Variants in TCEANC2 observed in about 807,000 individuals in gnomAD.
TCEANC2 encodes transcription elongation factor A N-terminal and central domain containing 2, also known as transcription elongation factor A N-terminal and central domain-containing protein 2.
In TCEANC2, 20 loss-of-function variants were observed where a neutral mutation model predicts 22.8. The ratio of observed to expected loss-of-function variants is 0.88; its 90% CI spans 0.62 to 1.28. The LOEUF is 1.28. Ranked by LOEUF, TCEANC2 falls within the 50% of genes most tolerant of loss-of-function variation. TCEANC2 has a pLI of 0.00. For synonymous variants in TCEANC2, 84 were observed against 95.5 expected, an observed-to-expected ratio of 0.88 and a Z score of 0.70; for missense variants, 251 against 249.7, an observed-to-expected ratio of 1.01 and a Z score of -0.03.
intron 3 of TCEANC2, among the ~76,000 whole-genome samples, chr1:54,079,773 A>G (rs1658204528): frequency 6.6e-6 from 1 of 152,194 alleles, no homozygotes; most frequent in African/African-American, 2.4e-5. Flanking sequence ...ACGTAGTCAC[A>G]GATTCTGAGG....
intron 3 of TCEANC2, among the ~76,000 whole-genome samples, chr1:54,071,336 G>A (rs1274279606): frequency 6.6e-6 from 1 of 152,184 alleles, no homozygotes; most frequent in African/African-American, 2.4e-5. Flanking sequence ...TCTCTTATGA[G>A]GTTGCAGTCA....
rs1391183444 is a variant in TCEANC2, at chr1:54,100,963, T to G, written c.*4490T>G. On this transcript the variant is annotated 3_prime_UTR_variant, in exon 5 of 5. Coordinates refer to ENST00000234827, the MANE Select transcript of TCEANC2 (RefSeq NM_153035.3). ...CTTGAGATTCAGTCAATTAGAGGTT[T>G]TTTTTTTTTGACAAATGAAGTTTAA... 6.6e-6 allele frequency: 1 copy of G among 152,134 alleles called. No individual in the cohort carries two copies. The highest frequency in any genetic ancestry group is 1.5e-5 in the Non-Finnish European group (1 of 68,016). The allele number at this position is 152,134 out of a possible 1,614,324, so 9.4% of individuals were successfully genotyped here. A position where few individuals can be genotyped will look rare whatever the true frequency, so the allele number is the denominator to read the frequency against.
chr1:54,093,268 G>T (rs1309091223), intron 4 of TCEANC2, among the ~76,000 whole-genome samples: 1 of 152,046 alleles, frequency 6.6e-6, no homozygotes, highest in African/African-American at 2.4e-5. Context: ...GTGAAACTCT[G>T]GTCCTTCCAC....
intron 3 of TCEANC2, among the ~76,000 whole-genome samples, chr1:54,070,327 A>G (rs953965865): frequency 6.6e-6 from 1 of 152,224 alleles, no homozygotes; most frequent in African/African-American, 2.4e-5. Flanking sequence ...TATGACATGT[A>G]TATGTGTACA....
At chr1:54,083,380 T>C (rs956086864) in intron 3 of TCEANC2, among the ~76,000 whole-genome samples, 1 of 152,040 alleles carries the variant, frequency 6.6e-6, no homozygotes, top group Admixed American at 6.6e-5. Flanking sequence ...TAATTAAAGA[T>C]TGGGCAAAGG....
chr1:54,061,402 C>T (rs988080113), intron 2 of TCEANC2, among the ~76,000 whole-genome samples: 1 of 151,824 alleles, frequency 6.6e-6, no homozygotes, highest in African/African-American at 2.4e-5. Flanking sequence ...TAGTAAAAAC[C>T]AATAGTTTCC....
chr1:54,072,137 C>T (rs1279681053), intron 3 of TCEANC2, among the ~76,000 whole-genome samples: 1 of 151,992 alleles, frequency 6.6e-6, no homozygotes. Context: ...TCAAAAGTTA[C>T]TCTCTTTCGT....
At chr1:54,093,559 C>T (rs565482155) in intron 4 of TCEANC2, among the ~76,000 whole-genome samples, 1 of 152,206 alleles carries the variant, frequency 6.6e-6, no homozygotes, top group East Asian at 1.9e-4. Context: ...TGGCATAGCA[C>T]CTGTCATGCT....
intron 2 of TCEANC2, among the ~76,000 whole-genome samples, chr1:54,063,935 A>G (rs1254335617): frequency 1.3e-5 from 2 of 152,226 alleles, no homozygotes; most frequent in African/African-American, 4.8e-5. Context: ...CTGCCAATCC[A>G]GAAGGCTAGC....
At chr1:54,085,760 G>T (rs1658328422) in intron 3 of TCEANC2, among the ~76,000 whole-genome samples, 2 of 152,080 alleles carry the variant, frequency 1.3e-5, no homozygotes, top group South Asian at 4.1e-4. Context: ...CTTAGGCAGG[G>T]TCTTGCTCTG....
At chr1:54,075,339 T>TCTTA (rs1658126967) in intron 3 of TCEANC2, among the ~76,000 whole-genome samples, 1 of 152,086 alleles carries the variant, frequency 6.6e-6, no homozygotes, top group Admixed American at 6.6e-5. Flanking sequence ...GGAGAAGGGT[T>TCTTA]TTTATAGAAG....
intron 3 of TCEANC2, among the ~76,000 whole-genome samples, chr1:54,087,716 C>G (rs1485476603): frequency 1.3e-5 from 2 of 152,152 alleles, no homozygotes; most frequent in Admixed American, 1.3e-4. Context: ...TTCTTTTAAT[C>G]TACAGCAGTC....
chr1:54,107,754 T>G (rs956002662), downstream of TCEANC2, among the ~76,000 whole-genome samples: 1 of 152,254 alleles, frequency 6.6e-6, no homozygotes, highest in African/African-American at 2.4e-5. Context: ...CCACGTTGTG[T>G]GAGAAACAAG....
At chr1:54,087,258 A>G (rs1658355138) in intron 3 of TCEANC2, among the ~76,000 whole-genome samples, 2 of 152,142 alleles carry the variant, frequency 1.3e-5, no homozygotes, top group Non-Finnish European at 2.9e-5. Flanking sequence ...TTATCTAAGT[A>G]CTTTGCATAT....
At chr1:54,054,155 C>T in intron 1 of TCEANC2, 1 of 1,128,476 alleles carries the variant, frequency 8.9e-7, no homozygotes, top group Admixed American at 3.5e-5. Context: ...GCGTGCACTT[C>T]TGGAAGCTAG....
At chr1:54,061,874 A>T (rs1011338551) in intron 2 of TCEANC2, among the ~76,000 whole-genome samples, 1 of 152,250 alleles carries the variant, frequency 6.6e-6, no homozygotes, top group Admixed American at 6.5e-5. Flanking sequence ...TAGGTGTATC[A>T]CATTCTATAA....
Position 54,104,840 on chromosome 1 carries a change from C to A in TCEANC2, c.*8367C>A. 1 of 337,482 alleles carries A rather than the reference C, an allele frequency of 3.0e-6. No homozygotes were observed. Among genetic ancestry groups the A allele is most frequent in the East Asian group, 7.9e-5 (1 of 12,624 alleles). The allele number at this position is 337,482 out of a possible 1,614,324, so 20.9% of individuals were successfully genotyped here. On this transcript the variant is annotated 3_prime_UTR_variant, in exon 5 of 5. Transcript: ENST00000234827. ...TACAGGCGTGAGCCACTGCGCCTGG[C>A]CCCTTGCCCAATATTTATAAAATAA...
rs574755311 is a variant in TCEANC2, at chr1:54,071,483, A to G, written c.244+2586A>G. The stretch of plus-strand genomic sequence containing the variant: ...GCCTCTCCTTGGAGCTGCTCATGAC[A>G]TGGCAGCTGACTTTCCCCAGAACAA... On this transcript the variant is annotated intron_variant, in intron 3 of 4. Coordinates refer to ENST00000234827, the MANE Select transcript of TCEANC2 (RefSeq NM_153035.3). Among the ~76,000 whole-genome samples the G allele has an allele frequency of 7.7e-4, 117 of 152,268 alleles. 1 individual carries two copies. The highest frequency in any genetic ancestry group is 2.8e-3 in the African/African-American group (115 of 41,554).
At chr1:54,109,176 C>T (rs188864761), downstream of TCEANC2, among the ~76,000 whole-genome samples, 5 of 152,198 alleles carry the variant, frequency 3.3e-5, no homozygotes, top group South Asian at 2.1e-4. Flanking sequence ...GGGCCTGGCC[C>T]GGAGGGTATC....
Sources: gnomAD v4.1 joint callset for allele counts (sites outside exome capture counted in the v4.1 genomes callset) on GRCh38, gnomAD v4.1.1 for gene constraint, MANE v1.5 for transcripts, NCBI Gene and HGNC (gene_info 2026-07-23, HGNC 2026-07-21) for gene names.